PRMT2: variants seen among roughly 807,000 people sequenced by gnomAD.
PRMT2 encodes protein arginine N-methyltransferase 2.
Under a neutral mutation model 57.6 loss-of-function variants are expected in PRMT2, and 26 were observed. The ratio of observed to expected loss-of-function variants is 0.45; its 90% CI spans 0.33 to 0.63. The LOEUF is 0.63. Among genes scored for constraint, PRMT2 ranks in the 20% least tolerant of loss-of-function variants. PRMT2 has a pLI of 0.02. For missense variants in PRMT2, 472 were observed against 564.4 expected (o/e 0.84, Z 1.66); for synonymous variants, 219 against 220.0 (o/e 1.00, Z 0.04).
At chr21:46,654,038 G>A (rs566157183) in intron 7 of PRMT2, 28 of 987,590 alleles carry the variant, frequency 2.8e-5, no homozygotes, top group South Asian at 4.6e-5. Context: ...CATTCACCTC[G>A]GGGGAGGAGG....
In PRMT2 at chr21:46,649,303, C is replaced by T. The variant is rs1601933945; in HGVS notation, c.490-272C>T. Among the ~76,000 whole-genome samples the T allele has an allele frequency of 6.6e-6, 1 of 152,222 alleles. No homozygotes were observed. Among genetic ancestry groups the T allele is most frequent in the African/African-American group, 2.4e-5 (1 of 41,454 alleles). ...ATTAAGATTGCTGTGCGTGTGGCAG[C>T]CGGCTCGGGCATGCGAGTCTTCCAT... On this transcript the variant is annotated intron_variant, in intron 6 of 11. Coordinates refer to ENST00000355680, the MANE Select transcript of PRMT2 (RefSeq NM_206962.4). This position sits in a 1 kb window ranked among gnomAD's most constrained non-coding sequence, Gnocchi z 4.8.
In PRMT2 at chr21:46,648,328, CCTTCCATAGT is replaced by C. The variant is rs1288876898; in HGVS notation, c.328-120_328-111del. On this transcript the variant is annotated intron_variant, in intron 5 of 11. Coordinates refer to ENST00000355680, the MANE Select transcript of PRMT2 (RefSeq NM_206962.4). This position sits in a 1 kb window ranked among gnomAD's most constrained non-coding sequence, Gnocchi z 4.8. Reference sequence around the variant, plus strand: ...AACTTGGTTGACAGTGATGTCCAGGCCTTCCATAGTCTTCCATAGGGGTGTTGGGGTCAGG... The same window carrying C: ...AACTTGGTTGACAGTGATGTCCAGGCCTTCCATAGGGGTGTTGGGGTCAGG... The C allele has an allele frequency of 1.1e-6, 1 of 879,738 alleles. No individual in the cohort carries two copies. Among genetic ancestry groups the C allele is most frequent in the Admixed American group, 2.6e-5 (1 of 38,490 alleles). 54.5% of individuals were successfully genotyped at this position (879,738 alleles called of 1,614,324 possible). A position where few individuals can be genotyped will look rare whatever the true frequency, so the allele number is the denominator to read the frequency against.
intron 8 of PRMT2, 93 bp downstream of exon 8, chr21:46,659,013 C>T (rs1258263613): frequency 1.0e-5 from 15 of 1,489,984 alleles, no homozygotes; most frequent in East Asian, 2.4e-5. Context: ...TCCCATACGA[C>T]GGTTGGATAA....
intron 8 of PRMT2, chr21:46,660,046 G>T (rs770989109): frequency 3.5e-5 from 34 of 982,928 alleles, no homozygotes; most frequent in Non-Finnish European, 3.9e-5. Flanking sequence ...CTTTATACTT[G>T]TCCATAGTTT....
chr21:46,644,638 CCACTGTGGATGACACACAAAGTGTG>C (rs1252000203), intron 5 of PRMT2, 150 bp downstream of exon 5: 1 of 697,054 alleles, frequency 1.4e-6, no homozygotes, highest in African/African-American at 1.8e-5. Flanking sequence ...TGTGTGGAAG[CCACTGTGGATGACACACAAAGTGTG>C]CACTGTTGTG....
At chr21:46,656,222 C>T (rs1198468815) in intron 7 of PRMT2, among the ~76,000 whole-genome samples, 1 of 152,172 alleles carries the variant, frequency 6.6e-6, no homozygotes, top group Non-Finnish European at 1.5e-5. Context: ...CGTGCCAGCT[C>T]CCCTTTGCTT....
rs763613727 is a variant in PRMT2 at position 46,644,394 on chromosome 21, A to G, written c.233A>G (p.Tyr78Cys). 1 of 1,612,374 alleles carries G rather than the reference A, an allele frequency of 6.2e-7. No individual in the cohort carries two copies. The highest frequency in any genetic ancestry group is 1.1e-5 in the South Asian group (1 of 90,742). ...GGTGAGCGTGCGGGCTGCTGTGGGT[A>G]CATTCCGGCAAACCATGTGGGGAAG... ...WWGERAGCCGYIPANHVGKHV... is the reference protein window; with the variant it reads ...WWGERAGCCGCIPANHVGKHV... The change falls in exon 5 of 12, where the codon TAC becomes TGC. Residue 78 changes from tyrosine to cysteine, a missense_variant. Physicochemically the swap from Tyr to Cys is radical, Grantham distance 194 (BLOSUM62 -2). This residue lies in a region of PRMT2 where 243 missense variants were observed against 347.2 expected (regional missense o/e 0.70). Coordinates refer to ENST00000355680, the MANE Select transcript of PRMT2 (RefSeq NM_206962.4).
chr21:46,661,794 A>G lies in PRMT2; in HGVS notation c.961-6A>G. ...CCACGCGTGCCTTGTCATCTGCTTG[A>G]CCCAGACCCTGAGGGGCGAGCTGCG... is the stretch of plus-strand genomic sequence containing the variant. On this transcript the variant is annotated splice_region_variant and splice_polypyrimidine_tract_variant and intron_variant, in intron 9 of 11. Coordinates refer to ENST00000355680, the MANE Select transcript of PRMT2 (RefSeq NM_206962.4). The G allele has an allele frequency of 7.1e-7, 1 of 1,403,162 alleles. No homozygotes were observed. Among genetic ancestry groups the G allele is most frequent in the Non-Finnish European group, 9.4e-7 (1 of 1,067,280 alleles). 86.9% of individuals were successfully genotyped at this position (1,403,162 alleles called of 1,614,324 possible).
chr21:46,650,674 G>A (rs2061436299), intron 7 of PRMT2, among the ~76,000 whole-genome samples: 1 of 152,146 alleles, frequency 6.6e-6, no homozygotes, highest in South Asian at 2.1e-4. Flanking sequence ...CTGGTGCCCC[G>A]GCCACGGGGA....
chr21:46,661,544 G>C (rs2061621316), intron 9 of PRMT2: 1 of 286,034 alleles, frequency 3.5e-6, no homozygotes, highest in South Asian at 1.9e-4. Flanking sequence ...AACTGGAAGA[G>C]CTGAGCGCCG....
Position 46,636,934 on chromosome 21 carries a change from G to A in PRMT2, c.-18G>A, listed in dbSNP as rs372534665. On this transcript the variant is annotated 5_prime_UTR_variant, in exon 3 of 12. Coordinates refer to ENST00000355680, the MANE Select transcript of PRMT2 (RefSeq NM_206962.4). ...AATGAAATAAATCAGCAGTTATGAG[G>A]CAGAGCCTAAGAGAACTATGGCAAC... 59 of 1,610,666 alleles carry A rather than the reference G, an allele frequency of 3.7e-5. No individual in the cohort carries two copies. Among genetic ancestry groups the A allele is most frequent in the Non-Finnish European group, 4.8e-5 (56 of 1,178,674 alleles).
chr21:46,654,982 T>C, intron 7 of PRMT2: 1 of 920,208 alleles, frequency 1.1e-6, no homozygotes, highest in Non-Finnish European at 1.3e-6. Context: ...GGACCAATTC[T>C]TTTGAAAACT....
intron 7 of PRMT2, among the ~76,000 whole-genome samples, chr21:46,651,068 G>A (rs1235122814): frequency 6.6e-6 from 1 of 152,220 alleles, no homozygotes; most frequent in Non-Finnish European, 1.5e-5. Flanking sequence ...TGGAGGCCAG[G>A]GACTGGCTGT....
chr21:46,663,529 C>G lies in PRMT2; in HGVS notation c.1244C>G (p.Ser415Cys), dbSNP rs754327293. Residue 415 changes from serine to cysteine, a missense_variant, in exon 11 of 12, where the codon TCC becomes TGC. By Grantham distance (112) the Ser-to-Cys change is moderately radical. Transcript: ENST00000355680. ...GTGGCTCTGAGCTGGGCTGTCACTT[C>G]CAGACAAGACCCCACATCTCAAAAA... ...MSVALSWAVT[S>C]RQDPTSQKVG... 26 of 1,614,076 alleles carry G rather than the reference C, an allele frequency of 1.6e-5. No homozygotes were observed. The highest frequency in any genetic ancestry group is 2.2e-5 in the Non-Finnish European group (26 of 1,179,930).
rs377441966 is a variant in PRMT2 at position 46,649,760 on chromosome 21, A to T, written c.654+21A>T. ...TGCTGGTGAGGGCGGGCGTGCGGGC[A>T]GCTGGGGGCCGGAGCTGGGGGGCTT... On this transcript the variant is annotated intron_variant, in intron 7 of 11. Transcript: ENST00000355680. This position sits in a 1 kb window ranked among gnomAD's most constrained non-coding sequence, Gnocchi z 4.8. The T allele has an allele frequency of 6.2e-6, 10 of 1,607,302 alleles. No individual in the cohort carries two copies. The African/African-American group carries it at 1.1e-4, about 17-fold the overall frequency.
intron 5 of PRMT2, among the ~76,000 whole-genome samples, chr21:46,645,266 CAA>C (rs61110307): frequency 0.058 from 1,486 of 25,476 alleles, 162 homozygotes; most frequent in South Asian, 0.085. Flanking sequence ...GAGCCTGTCT[CAA>C]AAAAAAAAAA....
intron 8 of PRMT2, chr21:46,659,468 A>G (rs1422384995): frequency 1.0e-6 from 1 of 985,024 alleles, no homozygotes; most frequent in African/African-American, 1.7e-5. Context: ...ATCAATTAGA[A>G]AGAGATGACT....
At chr21:46,640,663 A>C (rs2061256445) in intron 3 of PRMT2, among the ~76,000 whole-genome samples, 1 of 150,162 alleles carries the variant, frequency 6.7e-6, no homozygotes, top group Non-Finnish European at 1.5e-5. Context: ...GGCTGGTCTC[A>C]AACTTCTGAT....
chr21:46,651,221 G>GGGGATGCGGGGCAGGTGT (rs2061444875), intron 7 of PRMT2, among the ~76,000 whole-genome samples: 1 of 1,660 alleles, frequency 6.0e-4, no homozygotes, highest in Non-Finnish European at 1.1e-3. Flanking sequence ...GGGCAGGTGT[G>GGGGATGCGGGGCAGGTGT]GGGGATGCAG....
Sources: allele counts gnomAD v4.1 joint callset (sites outside exome capture counted in the v4.1 genomes callset), GRCh38; gene constraint gnomAD v4.1.1; regional missense constraint gnomAD v4.1.1; non-coding constraint Gnocchi (gnomAD v3.1); transcripts MANE v1.5; gene names NCBI Gene and HGNC (gene_info 2026-07-23, HGNC 2026-07-21).